The following ST6GALNAC3 variants were observed in gnomAD, a reference collection of about 807,000 sequenced individuals.
ST6GALNAC3 encodes the protein ST6 N-acetylgalactosaminide alpha-2,6-sialyltransferase 3, also known as alpha-N-acetylgalactosaminide alpha-2,6-sialyltransferase 3.
In ST6GALNAC3, 25 loss-of-function variants were observed where a neutral mutation model predicts 32.7. That is an observed-to-expected ratio of 0.76 (90% CI 0.56 to 1.07). The LOEUF (loss-of-function observed/expected upper bound fraction) is 1.07, where lower values mean the gene tolerates loss of function less well. Ranked by LOEUF, ST6GALNAC3 falls within the 50% of genes least tolerant of loss-of-function variation. The pLI, the probability that ST6GALNAC3 is intolerant of heterozygous loss-of-function variation, is 0.00. For missense variants in ST6GALNAC3, 355 were observed against 382.4 expected, an observed-to-expected ratio of 0.93 and a Z score of 0.60; for synonymous variants, 129 against 133.1, an observed-to-expected ratio of 0.97 and a Z score of 0.21.
chr1:76,503,867 T>C (rs944463205), intron 3 of ST6GALNAC3, among the ~76,000 whole-genome samples: 7 of 152,196 alleles, frequency 4.6e-5, no homozygotes, highest in Middle Eastern at 3.2e-3. Flanking sequence ...TTGTCCTCTA[T>C]GGCATCCTCA....
intron 1 of ST6GALNAC3, among the ~76,000 whole-genome samples, chr1:76,269,306 A>C (rs1456858815): frequency 6.6e-6 from 1 of 152,222 alleles, no homozygotes; most frequent in Non-Finnish European, 1.5e-5. Context: ...ATGCTAAGCC[A>C]GAAGTTACCA....
At chr1:76,125,467 C>T (rs1649179901) in intron 1 of ST6GALNAC3, among the ~76,000 whole-genome samples, 4 of 152,160 alleles carry the variant, frequency 2.6e-5, no homozygotes, top group Non-Finnish European at 5.9e-5. Flanking sequence ...ACAGTTCTGA[C>T]CCCTCCTCCA....
intron 3 of ST6GALNAC3, among the ~76,000 whole-genome samples, chr1:76,574,040 C>A (rs949976715): frequency 6.6e-6 from 1 of 152,016 alleles, no homozygotes; most frequent in Non-Finnish European, 1.5e-5. Flanking sequence ...AGTAGAAACA[C>A]TGCAATAAAT....
intron 1 of ST6GALNAC3, among the ~76,000 whole-genome samples, chr1:76,171,975 A>T (rs940653107): frequency 5.3e-5 from 8 of 152,172 alleles, no homozygotes; most frequent in South Asian, 2.1e-4. Context: ...CTCCTCCCTA[A>T]CTCATTTTAT....
At chr1:76,218,366 G>T (rs1655588653) in intron 1 of ST6GALNAC3, among the ~76,000 whole-genome samples, 1 of 152,176 alleles carries the variant, frequency 6.6e-6, no homozygotes. Context: ...GGAGGCTAGA[G>T]TATTTGCCCT....
At chr1:76,582,935 A>T (rs560980960) in intron 3 of ST6GALNAC3, among the ~76,000 whole-genome samples, 1 of 152,298 alleles carries the variant, frequency 6.6e-6, no homozygotes, top group African/African-American at 2.4e-5. Flanking sequence ...ATTTGAACCC[A>T]TGTACCATTT....
chr1:76,425,625 T>A lies in ST6GALNAC3; in HGVS notation c.623+13208T>A, dbSNP rs146540679. Among the ~76,000 whole-genome samples, 5 of 152,138 alleles carry A rather than the reference T, an allele frequency of 3.3e-5. No individual in the cohort carries two copies. The East Asian group carries it at 9.6e-4, about 29-fold the overall frequency. ...CATTCATTGGCAAGTTCTTTGCATCTGGTCTCACCTCCTTATTTTTAATAT... is the reference window on the plus strand; with the variant it reads ...CATTCATTGGCAAGTTCTTTGCATCAGGTCTCACCTCCTTATTTTTAATAT... On this transcript the variant is annotated intron_variant, in intron 3 of 4. Coordinates refer to ENST00000328299, the MANE Select transcript of ST6GALNAC3 (RefSeq NM_152996.4).
At chr1:76,398,755 G>A (rs568632818) in intron 2 of ST6GALNAC3, among the ~76,000 whole-genome samples, 1 of 151,990 alleles carries the variant, frequency 6.6e-6, no homozygotes, top group African/African-American at 2.4e-5. Context: ...AGAATTTCTG[G>A]GTCATAGAGC....
At chr1:76,462,952 T>G (rs1480276799) in intron 3 of ST6GALNAC3, among the ~76,000 whole-genome samples, 1 of 152,148 alleles carries the variant, frequency 6.6e-6, no homozygotes, top group African/African-American at 2.4e-5. Context: ...GGAAAAACAC[T>G]GTCCTAAATG....
chr1:76,630,311 T>G lies in ST6GALNAC3; in HGVS notation c.*1505T>G. 2.0e-6 allele frequency: 2 copies of G among 985,098 alleles called. No individual in the cohort carries two copies. Among genetic ancestry groups the G allele is most frequent in the Non-Finnish European group, 1.2e-6 (1 of 829,788 alleles). The allele number at this position is 985,098 out of a possible 1,614,324, so 61.0% of individuals were successfully genotyped here. ...TGTGAAAATAAGTAGTTTTGAGAAG[T>G]TTTTCTATATACGTATATATACACG... On this transcript the variant is annotated 3_prime_UTR_variant, in exon 5 of 5. Coordinates refer to ENST00000328299, the MANE Select transcript of ST6GALNAC3 (RefSeq NM_152996.4).
At chr1:76,303,421 C>T (rs891032993) in intron 1 of ST6GALNAC3, among the ~76,000 whole-genome samples, 2 of 151,982 alleles carry the variant, frequency 1.3e-5, no homozygotes, top group South Asian at 2.1e-4. Context: ...AGGAAGTCAG[C>T]GTGAAACGGC....
intron 1 of ST6GALNAC3, among the ~76,000 whole-genome samples, chr1:76,137,347 T>C (rs931766040): frequency 6.6e-6 from 1 of 152,224 alleles, no homozygotes; most frequent in African/African-American, 2.4e-5. Context: ...AAGATTGAAG[T>C]GGCCAGTTGC....
At chr1:76,222,338 T>C (rs1045680249) in intron 1 of ST6GALNAC3, among the ~76,000 whole-genome samples, 1 of 152,098 alleles carries the variant, frequency 6.6e-6, no homozygotes, top group African/African-American at 2.4e-5. Flanking sequence ...ACATAGGACC[T>C]GGCAAAGATT....
intron 2 of ST6GALNAC3, among the ~76,000 whole-genome samples, chr1:76,393,828 T>G (rs1000000805): frequency 6.6e-6 from 1 of 152,108 alleles, no homozygotes; most frequent in African/African-American, 2.4e-5. Context: ...AGAGAGTCTT[T>G]AGTGCGCTGA....
At chr1:76,589,495 T>A (rs777382132) in intron 3 of ST6GALNAC3, among the ~76,000 whole-genome samples, 8 of 151,780 alleles carry the variant, frequency 5.3e-5, no homozygotes, top group Non-Finnish European at 1.2e-4. Flanking sequence ...TGAAAAAAAA[T>A]GTATTAAGTG....
chr1:76,347,560 G>A (rs1648623697), intron 2 of ST6GALNAC3, among the ~76,000 whole-genome samples: 1 of 151,946 alleles, frequency 6.6e-6, no homozygotes, highest in African/African-American at 2.4e-5. Context: ...CTCCTAGAAA[G>A]CAATTGATGG....
intron 1 of ST6GALNAC3, among the ~76,000 whole-genome samples, chr1:76,192,464 C>T (rs990316988): frequency 6.6e-6 from 1 of 152,188 alleles, no homozygotes; most frequent in Non-Finnish European, 1.5e-5. Flanking sequence ...TGTGAGAATG[C>T]CGAAGGAGAA....
intron 1 of ST6GALNAC3, among the ~76,000 whole-genome samples, chr1:76,169,187 T>C (rs943891184): frequency 2.6e-5 from 4 of 152,182 alleles, no homozygotes. Context: ...TGTAAAAGAT[T>C]ATTTCTCCTT....
chr1:76,489,257 C>G (rs935992587), intron 3 of ST6GALNAC3, among the ~76,000 whole-genome samples: 3 of 151,992 alleles, frequency 2.0e-5, no homozygotes, highest in African/African-American at 7.3e-5. Context: ...GGAAGTATTA[C>G]TGTTGGAAGA....
Sources: allele counts gnomAD v4.1 joint callset (sites outside exome capture counted in the v4.1 genomes callset), GRCh38; gene constraint gnomAD v4.1.1; transcripts MANE v1.5; gene names NCBI Gene and HGNC (gene_info 2026-07-23, HGNC 2026-07-21).